The following ITGA1 variants were observed in gnomAD, a reference collection of about 807,000 sequenced individuals.
ITGA1 encodes the protein integrin subunit alpha 1.
Under a neutral mutation model 145.9 loss-of-function variants are expected in ITGA1, and 85 were observed. That is an observed-to-expected ratio of 0.58 (90% CI 0.49 to 0.70). The LOEUF is 0.70. ITGA1 is among the 30% of genes least tolerant of loss of function. The probability of loss-of-function intolerance (pLI) is 0.00; values close to 1 mark genes in which losing one functional copy is unlikely to be tolerated. For synonymous variants in ITGA1, 520 were observed against 495.3 expected (o/e 1.05, Z -0.66); for missense variants, 1,351 against 1,418.7 (o/e 0.95, Z 0.77).
chr5:52,824,637 T>G (rs988542719), intron 1 of ITGA1: 1 of 152,120 alleles, frequency 6.6e-6, no homozygotes, highest in African/African-American at 2.4e-5. Flanking sequence ...GTAAAACATA[T>G]TGTACTTTTA....
intron 14 of ITGA1, among the ~76,000 whole-genome samples, chr5:52,913,187 G>C (rs1482133681): frequency 1.3e-5 from 2 of 152,070 alleles, no homozygotes; most frequent in East Asian, 3.9e-4. Context: ...ATTTAGAATG[G>C]GACATTTAGT....
At chr5:52,883,414 G>A (rs527616563) in intron 7 of ITGA1, among the ~76,000 whole-genome samples, 1 of 152,190 alleles carries the variant, frequency 6.6e-6, no homozygotes, top group Non-Finnish European at 1.5e-5. Context: ...TTTCACAAAG[G>A]GTATAGCTGT....
At chr5:52,903,120 A>G (rs1750342481) in intron 11 of ITGA1, 1 of 152,096 alleles carries the variant, frequency 6.6e-6, no homozygotes, top group Admixed American at 6.6e-5. Context: ...AGTTAACTAA[A>G]TAATCTCACA....
At chr5:52,911,915 ATT>A (rs1491111580) in intron 14 of ITGA1, among the ~76,000 whole-genome samples, 1 of 136,680 alleles carries the variant, frequency 7.3e-6, no homozygotes, top group African/African-American at 2.7e-5. Context: ...AGATATATAT[ATT>A]ATATATATAG....
In ITGA1 at chr5:52,861,478, C is replaced by T. The variant is rs1287581372; in HGVS notation, c.214C>T (p.Pro72Ser). 1.2e-6 allele frequency: 2 copies of T among 1,613,570 alleles called. No homozygotes were observed. Among genetic ancestry groups the T allele is most frequent in the African/African-American group, 1.3e-5 (1 of 74,968 alleles). Reference sequence around the variant, plus strand: ...TATTGGTTCTCCGTTAGTTGGCCAACCCAAAAACAGAACTGGAGATGTCTA... The same window carrying T: ...TATTGGTTCTCCGTTAGTTGGCCAATCCAAAAACAGAACTGGAGATGTCTA... Reference protein sequence around the residue: ...VLIGSPLVGQPKNRTGDVYKC... With the variant: ...VLIGSPLVGQSKNRTGDVYKC... The change falls in exon 3 of 29, where the codon CCC (proline) becomes TCC (serine). Residue 72 changes from proline (P) to serine (S), a missense_variant. Transcript: ENST00000282588.
In ITGA1 at chr5:52,920,483, T is replaced by C. The variant is rs1341186976; in HGVS notation, c.2292+15T>C. 5.1e-6 allele frequency: 8 copies of C among 1,581,446 alleles called. No homozygotes were observed. The highest frequency in any genetic ancestry group is 2.6e-6 in the Non-Finnish European group (3 of 1,166,170). ...TCTACATGTTGGCAAGTAAATCATA[T>C]ATCGTTGCTGCCTTATTCCAAATCA... On this transcript the variant is annotated intron_variant, in intron 17 of 28. Coordinates refer to ENST00000282588, the MANE Select transcript of ITGA1 (RefSeq NM_181501.2).
intron 8 of ITGA1, among the ~76,000 whole-genome samples, chr5:52,888,947 C>A (rs544314263): frequency 5.3e-5 from 8 of 152,152 alleles, no homozygotes; most frequent in South Asian, 4.1e-4. Context: ...AGGATGAGGG[C>A]TTTACTGAAG....
At chr5:52,834,146 A>T (rs1749119420) in intron 1 of ITGA1, among the ~76,000 whole-genome samples, 1 of 152,144 alleles carries the variant, frequency 6.6e-6, no homozygotes, top group African/African-American at 2.4e-5. Flanking sequence ...TGTTACTTTC[A>T]TCTTTCTGCT....
intron 1 of ITGA1, among the ~76,000 whole-genome samples, chr5:52,838,908 G>C (rs569675884): frequency 2.6e-5 from 4 of 152,216 alleles, no homozygotes; most frequent in Non-Finnish European, 5.9e-5. Flanking sequence ...ACCAGTCTGG[G>C]CAACGTGACG....
intron 1 of ITGA1, among the ~76,000 whole-genome samples, chr5:52,832,066 A>G (rs998146566): frequency 6.6e-6 from 1 of 152,188 alleles, no homozygotes; most frequent in African/African-American, 2.4e-5. Context: ...GGACTACCCA[A>G]TCTCAGTTCC....
At chr5:52,843,604 A>C (rs1020950528) in intron 1 of ITGA1, among the ~76,000 whole-genome samples, 4 of 152,110 alleles carry the variant, frequency 2.6e-5, no homozygotes, top group African/African-American at 9.7e-5. Flanking sequence ...TGTCACCTCC[A>C]TTTATCCTTT....
In ITGA1 at chr5:52,940,354, T is replaced by C. The variant is rs138263599; in HGVS notation, c.3285+410T>C. Among the ~76,000 whole-genome samples the C allele has an allele frequency of 1.5e-4, 23 of 152,118 alleles. No homozygotes were observed. In the East Asian group the frequency reaches 4.2e-3, roughly 28 times the overall value. ...TATACCATAGACTTACTGTGTTTTA[T>C]CAGACTGTTATTATATGTATAATTT... On this transcript the variant is annotated intron_variant, in intron 26 of 28. Coordinates refer to ENST00000282588, the MANE Select transcript of ITGA1 (RefSeq NM_181501.2).
intron 6 of ITGA1, among the ~76,000 whole-genome samples, chr5:52,866,880 G>A (rs985962040): frequency 6.6e-6 from 1 of 152,136 alleles, no homozygotes; most frequent in African/African-American, 2.4e-5. Context: ...CAAATAAAAT[G>A]TCAAAATGAA....
chr5:52,884,318 G>A (rs1244881363), intron 7 of ITGA1, among the ~76,000 whole-genome samples: 2 of 151,866 alleles, frequency 1.3e-5, no homozygotes, highest in Non-Finnish European at 2.9e-5. Context: ...GTGGTGGTGG[G>A]CGCCTGTAAT....
chr5:52,898,185 A>G, intron 10 of ITGA1, 54 bp from the exon 11 acceptor site: 1 of 1,207,948 alleles, frequency 8.3e-7, no homozygotes. Context: ...GTGTTTAAGT[A>G]TTTCCCCTTA....
chr5:52,945,688 C>T (rs945109819), intron 27 of ITGA1, among the ~76,000 whole-genome samples: 9 of 152,142 alleles, frequency 5.9e-5, no homozygotes, highest in African/African-American at 1.4e-4. Context: ...TGATCTCCCC[C>T]CTTCTCATGG....
intron 1 of ITGA1, among the ~76,000 whole-genome samples, chr5:52,789,027 G>A (rs1421480866): frequency 6.6e-6 from 1 of 152,168 alleles, no homozygotes; most frequent in Admixed American, 6.5e-5. Flanking sequence ...ATATCACAGG[G>A]CAGTCTACTT....
intron 28 of ITGA1, among the ~76,000 whole-genome samples, 172 bp from the exon 29 acceptor site, chr5:52,952,235 T>C (rs1360302788): frequency 6.6e-6 from 1 of 151,984 alleles, no homozygotes; most frequent in Non-Finnish European, 1.5e-5. Context: ...TTAATAAATG[T>C]CATTTTTTGA....
intron 2 of ITGA1, among the ~76,000 whole-genome samples, 160 bp downstream of exon 2, chr5:52,849,645 TAA>T (rs201300374): frequency 6.8e-6 from 1 of 147,370 alleles, no homozygotes; most frequent in African/African-American, 2.5e-5. Flanking sequence ...TAACTTAAAG[TAA>T]AAAAAAAAAA....
Sources: gnomAD v4.1 joint callset for allele counts (sites outside exome capture counted in the v4.1 genomes callset) on GRCh38, gnomAD v4.1.1 for gene constraint, MANE v1.5 for transcripts, NCBI Gene and HGNC (gene_info 2026-07-23, HGNC 2026-07-21) for gene names.